PRDX2: variants seen among roughly 807,000 people sequenced by gnomAD.
PRDX2 encodes the protein peroxiredoxin-2.
Under a neutral mutation model 19.8 loss-of-function variants are expected in PRDX2, and 10 were observed. The ratio of observed to expected loss-of-function variants is 0.50; its 90% CI spans 0.31 to 0.86. PRDX2 has a LOEUF of 0.86. Ranked by LOEUF, PRDX2 falls within the 40% of genes least tolerant of loss-of-function variation. The pLI, the probability that PRDX2 is intolerant of heterozygous loss-of-function variation, is 0.04. For synonymous variants in PRDX2, 118 were observed against 108.2 expected (o/e 1.09, Z -0.56); for missense variants, 226 against 260.1 (o/e 0.87, Z 0.90).
rs559396237 is a variant in PRDX2 at position 12,799,688 on chromosome 19, C to T, written c.511+171G>A. On this transcript the variant is annotated intron_variant, in intron 5 of 5. Coordinates refer to ENST00000301522, the MANE Select transcript of PRDX2 (RefSeq NM_005809.6). ...TTGTCCACCTTGGTTGAATGTCAGGCGTTATTTGTCTCCTACCACATTAGA... is the reference window on the plus strand; with the variant it reads ...TTGTCCACCTTGGTTGAATGTCAGGTGTTATTTGTCTCCTACCACATTAGA... 7 of 864,318 alleles carry T rather than the reference C, an allele frequency of 8.1e-6. No homozygotes were observed. The Admixed American group carries it at 9.6e-5, about 12-fold the overall frequency. The allele number at this position is 864,318 out of a possible 1,614,324, so 53.5% of individuals were successfully genotyped here.
intron 5 of PRDX2, among the ~76,000 whole-genome samples, chr19:12,797,765 C>T (rs1968818805): frequency 7.0e-6 from 1 of 143,440 alleles, no homozygotes; most frequent in South Asian, 2.2e-4. Context: ...TCAAGTGATT[C>T]TCCTGCCTTA....
At chr19:12,798,287 C>T (rs556662958) in intron 5 of PRDX2, among the ~76,000 whole-genome samples, 3 of 152,072 alleles carry the variant, frequency 2.0e-5, no homozygotes, top group East Asian at 3.9e-4. Context: ...CCTCTTGATC[C>T]GCCCGCCTCA....
intron 5 of PRDX2, among the ~76,000 whole-genome samples, chr19:12,798,191 C>A (rs1477069011): frequency 6.7e-6 from 1 of 149,328 alleles, no homozygotes; most frequent in Non-Finnish European, 1.5e-5. Flanking sequence ...ACTACAGGCG[C>A]CCGCCACCAC....
At chr19:12,800,576 A>C (rs568014457) in intron 3 of PRDX2, 4 of 950,832 alleles carry the variant, frequency 4.2e-6, no homozygotes, top group Non-Finnish European at 6.0e-6. Context: ...AAGAGTCCCC[A>C]TCCTCCTCTA....
At chr19:12,797,212 T>C in intron 5 of PRDX2, 46 bp from the exon 6 acceptor site, 1 of 1,568,112 alleles carries the variant, frequency 6.4e-7, no homozygotes, top group Non-Finnish European at 8.8e-7. Context: ...AGCCCCAGGT[T>C]CAAGGTGAAG....
At chr19:12,799,629 G>T in intron 5 of PRDX2, 1 of 404,490 alleles carries the variant, frequency 2.5e-6, no homozygotes, top group Non-Finnish European at 4.3e-6. Flanking sequence ...CAAAGTGCTG[G>T]CAATACAACC....
intron 5 of PRDX2, among the ~76,000 whole-genome samples, chr19:12,799,005 T>A (rs182128257): frequency 2.0e-4 from 29 of 147,322 alleles, no homozygotes; most frequent in African/African-American, 7.1e-4. Context: ...TTCAAGGGAG[T>A]CTCCTGCCTC....
chr19:12,800,019 C>G, intron 4 of PRDX2, 30 bp from the exon 5 acceptor site: 1 of 1,610,608 alleles, frequency 6.2e-7, no homozygotes, highest in Non-Finnish European at 8.5e-7. Flanking sequence ...CAGTGAGGAG[C>G]TGATAGCTCC....
In PRDX2 at chr19:12,797,082, T is replaced by C; in HGVS notation, c.596A>G (p.Ter199TrpextTer3). ...DSKEYFSKHN* is the reference protein window; with the variant it reads ...DSKEYFSKHNW ...CAAGCTCACTATCCGTTAGCCAGCC[T>C]AATTGTGTTTGGAGAAATATTCCTT... The change falls in exon 6 of 6, where the codon TAG (stop) becomes TGG (tryptophan). Residue 199 changes from the stop codon to tryptophan (W), a stop_lost. Transcript: ENST00000301522. The C allele has an allele frequency of 6.2e-7, 1 of 1,614,010 alleles. No homozygotes were observed. Among genetic ancestry groups the C allele is most frequent in the Non-Finnish European group, 8.5e-7 (1 of 1,180,008 alleles).
chr19:12,799,950 C>T lies in PRDX2; in HGVS notation c.420G>A (p.Gln140=), dbSNP rs1290114408. 1 of 1,614,032 alleles carries T rather than the reference C, an allele frequency of 6.2e-7. No individual in the cohort carries two copies. The highest frequency in any genetic ancestry group is 2.2e-5 in the East Asian group (1 of 44,882). ...FIIDGKGVLR[Q]ITVNDLPVGR... ...CCACAGGCAAATCATTAACAGTGAT[C>T]TGGCGAAGGACACCCTTGCCATCGA... Residue 140 remains glutamine, a synonymous_variant, in exon 5 of 6, where the codon CAG becomes CAA. Transcript: ENST00000301522.
chr19:12,800,550 G>T, intron 3 of PRDX2: 1 of 821,262 alleles, frequency 1.2e-6, no homozygotes, highest in Non-Finnish European at 1.8e-6. Flanking sequence ...GCATCACCCA[G>T]CAGAGAGCCT....
At chr19:12,801,562 G>A (rs942448067) in intron 1 of PRDX2, among the ~76,000 whole-genome samples, 178 bp downstream of exon 1, 7 of 152,252 alleles carry the variant, frequency 4.6e-5, no homozygotes, top group Non-Finnish European at 1.0e-4. Context: ...CACGAGCAGG[G>A]GGCGGGAAGT....
Position 12,800,250 on chromosome 19 carries a change from G to A in PRDX2, c.307C>T (p.Leu103=), listed in dbSNP as rs747679458. ...AAGCGTCTGGTCACGTCAGCAAGCAGGGGGATGTTCAGGGGGCCCAAGCCT... is the reference window on the plus strand; with the variant it reads ...AAGCGTCTGGTCACGTCAGCAAGCAAGGGGATGTTCAGGGGGCCCAAGCCT... ...EGGLGPLNIP[L]LADVTRRLSE... The change falls in exon 4 of 6, where the codon CTG becomes TTG. Residue 103 remains leucine, a synonymous_variant. Coordinates refer to ENST00000301522, the MANE Select transcript of PRDX2 (RefSeq NM_005809.6). 1 of 1,613,822 alleles carries A rather than the reference G, an allele frequency of 6.2e-7. No individual in the cohort carries two copies. The highest frequency in any genetic ancestry group is 2.2e-5 in the East Asian group (1 of 44,884).
intron 1 of PRDX2, 33 bp from the exon 2 acceptor site, chr19:12,801,303 A>C: frequency 1.9e-6 from 3 of 1,575,790 alleles, no homozygotes; most frequent in Non-Finnish European, 2.6e-6. Context: ...GCGCCCGGGA[A>C]GACACTTTGT....
Position 12,801,193 on chromosome 19 carries a change from G to C in PRDX2, c.69C>G (p.Gly23=). Residue 23 remains glycine (G), a synonymous_variant, in exon 2 of 6, where the codon GGC becomes GGG. Transcript: ENST00000301522. ...PDFKATAVVD[G]AFKEVKLSDY... is the part of the protein sequence containing the mutation. Reference sequence around the variant, plus strand: ...CCGACAGCTTCACCTCTTTGAAGGCGCCATCAACCACCGCTGTGGCCTTGA... The same window carrying C: ...CCGACAGCTTCACCTCTTTGAAGGCCCCATCAACCACCGCTGTGGCCTTGA... 6.2e-7 allele frequency: 1 copy of C among 1,613,986 alleles called. No homozygotes were observed. The highest frequency in any genetic ancestry group is 8.5e-7 in the Non-Finnish European group (1 of 1,180,018).
rs537621754 is a variant in PRDX2, at chr19:12,796,908, A to T, written c.*173T>A. The T allele has an allele frequency of 9.7e-6, 6 of 615,602 alleles. No homozygotes were observed. In the East Asian group the frequency reaches 1.1e-4, roughly 11 times the overall value. The allele number at this position is 615,602 out of a possible 1,614,324, so 38.1% of individuals were successfully genotyped here. On this transcript the variant is annotated 3_prime_UTR_variant, in exon 6 of 6. Coordinates refer to ENST00000301522, the MANE Select transcript of PRDX2 (RefSeq NM_005809.6). ...GGGAGGGCGTCACTATTCAGCTTCT[A>T]GGTGGAGGCATGAGAAGGCCTTGGC...
At position 12,801,053 on chromosome 19, in the gene PRDX2, G is replaced by A; in HGVS notation, c.120C>T (p.Leu40=). 2 of 1,611,070 alleles carry A rather than the reference G, an allele frequency of 1.2e-6. No homozygotes were observed. Among genetic ancestry groups the A allele is most frequent in the Non-Finnish European group, 1.7e-6 (2 of 1,178,042 alleles). The change falls in exon 3 of 6, where the codon CTC becomes CTT. Residue 40 remains leucine (L), a synonymous_variant. Coordinates refer to ENST00000301522, the MANE Select transcript of PRDX2 (RefSeq NM_005809.6). ...LSDYKGKYVV[L]FFYPLDFTFV... ...AAGTGAAGTCCAGAGGGTAGAAAAA[G>A]AGGACCACGTACTTCCCTGGGGAGG...
At chr19:12,800,861 A>G (rs1254921689) in intron 3 of PRDX2, 55 bp downstream of exon 3, 19 of 1,563,762 alleles carry the variant, frequency 1.2e-5, no homozygotes, top group Non-Finnish European at 1.6e-5. Flanking sequence ...CCACACTGCT[A>G]GGACCTGAGG....
rs1285228473 is a variant in PRDX2, at chr19:12,800,000, C to T, written c.381-11G>A. 5.6e-6 allele frequency: 9 copies of T among 1,612,830 alleles called. No homozygotes were observed. In the South Asian group the frequency reaches 8.8e-5, roughly 16 times the overall value. ...ATGATAAAGAGGCCCCTGAAGACAT[C>T]AGGGTTCCCAGTGAGGAGCTGATAG... On this transcript the variant is annotated splice_polypyrimidine_tract_variant and intron_variant, in intron 4 of 5. Coordinates refer to ENST00000301522, the MANE Select transcript of PRDX2 (RefSeq NM_005809.6).
Sources: allele counts gnomAD v4.1 joint callset (sites outside exome capture counted in the v4.1 genomes callset), GRCh38; gene constraint gnomAD v4.1.1; transcripts MANE v1.5; gene names NCBI Gene and HGNC (gene_info 2026-07-23, HGNC 2026-07-21).